The following TCEANC2 variants were observed in gnomAD, a reference collection of about 807,000 sequenced individuals.
TCEANC2 encodes transcription elongation factor A N-terminal and central domain-containing protein 2.
Under a neutral mutation model 22.8 loss-of-function variants are expected in TCEANC2, and 20 were observed. The ratio of observed to expected loss-of-function variants is 0.88; its 90% CI spans 0.62 to 1.28. The LOEUF is 1.28. TCEANC2 is among the 50% of genes most tolerant of loss of function. The probability of loss-of-function intolerance (pLI) is 0.00; values close to 1 mark genes in which losing one functional copy is unlikely to be tolerated. For synonymous variants in TCEANC2, 84 were observed against 95.5 expected (o/e 0.88, Z 0.70); for missense variants, 251 against 249.7 (o/e 1.01, Z -0.03).
chr1:54,106,244 A>G (rs576710359), downstream of TCEANC2, among the ~76,000 whole-genome samples: 35 of 152,392 alleles, frequency 2.3e-4, no homozygotes, highest in Middle Eastern at 6.8e-3. Flanking sequence ...CATTTAAAAA[A>G]GAATGGTTAA....
At chr1:54,083,823 A>T (rs985893270) in intron 3 of TCEANC2, among the ~76,000 whole-genome samples, 1 of 152,158 alleles carries the variant, frequency 6.6e-6, no homozygotes, top group Admixed American at 6.5e-5. Flanking sequence ...TAATAATTTT[A>T]TTGTAAATTC....
chr1:54,078,140 C>T (rs1478128034), intron 3 of TCEANC2, among the ~76,000 whole-genome samples: 1 of 152,002 alleles, frequency 6.6e-6, no homozygotes, highest in Non-Finnish European at 1.5e-5. Context: ...ATTTTTTTGG[C>T]ACTTTTTCTT....
intron 2 of TCEANC2, among the ~76,000 whole-genome samples, chr1:54,060,255 A>G (rs1274867456): frequency 6.6e-6 from 1 of 152,144 alleles, no homozygotes; most frequent in Non-Finnish European, 1.5e-5. Flanking sequence ...AAAATAAAAA[A>G]TTAGCTGGGC....
At position 54,105,745 on chromosome 1, in the gene TCEANC2, G is replaced by C. The variant is rs1349624668; in HGVS notation, c.*9272G>C. 1 of 152,036 alleles carries C rather than the reference G, an allele frequency of 6.6e-6. No individual in the cohort carries two copies. The highest frequency in any genetic ancestry group is 1.9e-4 in the East Asian group (1 of 5,172). The allele number at this position is 152,036 out of a possible 1,614,324, so 9.4% of individuals were successfully genotyped here. On this transcript the variant is annotated 3_prime_UTR_variant, in exon 5 of 5. Coordinates refer to ENST00000234827, the MANE Select transcript of TCEANC2 (RefSeq NM_153035.3). Reference sequence around the variant, plus strand: ...GGGTTCAAGCGATTCTCCTGCCTCAGCCTCCCGAGTAGCTGGGACTACCAT... The same window carrying C: ...GGGTTCAAGCGATTCTCCTGCCTCACCCTCCCGAGTAGCTGGGACTACCAT...
Position 54,088,586 on chromosome 1 carries a change from T to G in TCEANC2, c.245-11T>G, listed in dbSNP as rs1404235297. ...ACAACCTTTCCTTTGGTTTTTCTCT[T>G]CCTGTTCCAGGTCACACTGTGAACA... On this transcript the variant is annotated splice_polypyrimidine_tract_variant and intron_variant, in intron 3 of 4. Transcript: ENST00000234827. 6.3e-6 allele frequency: 10 copies of G among 1,588,604 alleles called. No homozygotes were observed. Among genetic ancestry groups the G allele is most frequent in the Non-Finnish European group, 8.5e-6 (10 of 1,171,818 alleles).
At chr1:54,083,657 G>A (rs1658286419) in intron 3 of TCEANC2, among the ~76,000 whole-genome samples, 1 of 152,124 alleles carries the variant, frequency 6.6e-6, no homozygotes, top group Non-Finnish European at 1.5e-5. Context: ...AGACTCTTAT[G>A]AAGGGAAGGA....
chr1:54,088,217 A>G (rs890005155), intron 3 of TCEANC2, among the ~76,000 whole-genome samples: 1 of 152,222 alleles, frequency 6.6e-6, no homozygotes, highest in Admixed American at 6.5e-5. Context: ...TAGCTAAATA[A>G]TATTCCCATA....
At chr1:54,077,716 C>T (rs1658167770) in intron 3 of TCEANC2, among the ~76,000 whole-genome samples, 2 of 152,108 alleles carry the variant, frequency 1.3e-5, no homozygotes, top group Admixed American at 6.5e-5. Context: ...GCATTAGTGG[C>T]ATACAGCAGG....
chr1:54,088,826 A>G (rs1444059737), intron 4 of TCEANC2, 36 bp downstream of exon 4: 1 of 1,397,136 alleles, frequency 7.2e-7, no homozygotes, highest in Non-Finnish European at 9.5e-7. Context: ...TTATGTACCC[A>G]TAATAATTAA....
chr1:54,062,337 A>C (rs1657873493), intron 2 of TCEANC2, among the ~76,000 whole-genome samples: 1 of 152,218 alleles, frequency 6.6e-6, no homozygotes, highest in Non-Finnish European at 1.5e-5. Context: ...AATTTGAGCA[A>C]TCTATTTTCT....
chr1:54,065,512 G>A (rs1657938212), intron 2 of TCEANC2, among the ~76,000 whole-genome samples: 2 of 152,154 alleles, frequency 1.3e-5, no homozygotes, highest in Admixed American at 1.3e-4. Context: ...GAGCCCAGGA[G>A]TTCAAGACCA....
chr1:54,092,997 T>G (rs1488820495), intron 4 of TCEANC2, among the ~76,000 whole-genome samples: 1 of 152,106 alleles, frequency 6.6e-6, no homozygotes, highest in Non-Finnish European at 1.5e-5. Flanking sequence ...GAAAGGATAT[T>G]GGAGGAGTTG....
In TCEANC2 at chr1:54,054,536, T is replaced by A; in HGVS notation, c.102+12T>A. On this transcript the variant is annotated intron_variant, in intron 2 of 4. Transcript: ENST00000234827. ...TTGAATCTCTGAAGGTGAGAGGGGA[T>A]CTGGGGCTAGAGGAAATGTGCAAAG... 1 of 1,608,992 alleles carries A rather than the reference T, an allele frequency of 6.2e-7. No homozygotes were observed. The highest frequency in any genetic ancestry group is 1.3e-5 in the African/African-American group (1 of 74,750).
downstream of TCEANC2, among the ~76,000 whole-genome samples, chr1:54,110,332 C>T (rs1379926209): frequency 6.6e-6 from 1 of 152,168 alleles, no homozygotes; most frequent in South Asian, 2.1e-4. Context: ...GGTGTGGTGG[C>T]TCATGCCTGT....
intron 3 of TCEANC2, among the ~76,000 whole-genome samples, chr1:54,077,830 T>C (rs1250878478): frequency 1.3e-5 from 2 of 152,168 alleles, no homozygotes; most frequent in African/African-American, 4.8e-5. Context: ...CCTTTCTGTG[T>C]TTCTTCAGTC....
At chr1:54,054,135 C>A in intron 1 of TCEANC2, 1 of 792,988 alleles carries the variant, frequency 1.3e-6, no homozygotes, top group Non-Finnish European at 1.8e-6. Flanking sequence ...ATGTTGGAAT[C>A]CTCGCTAGAG....
chr1:54,084,615 A>G (rs531036846), intron 3 of TCEANC2, among the ~76,000 whole-genome samples: 5 of 152,174 alleles, frequency 3.3e-5, no homozygotes, highest in Admixed American at 1.3e-4. Flanking sequence ...TAATCCCAGT[A>G]CTTTGGGAGG....
intron 2 of TCEANC2, among the ~76,000 whole-genome samples, chr1:54,054,736 G>A (rs776883658): frequency 1.3e-5 from 2 of 152,102 alleles, no homozygotes; most frequent in Non-Finnish European, 2.9e-5. Context: ...TAATTACTCC[G>A]GTTTACACCA....
chr1:54,106,748 C>G (rs1658762207), downstream of TCEANC2, among the ~76,000 whole-genome samples: 1 of 150,688 alleles, frequency 6.6e-6, no homozygotes, highest in Non-Finnish European at 1.5e-5. Context: ...TCCATAGAAA[C>G]ATATTGAGAA....
Sources: gnomAD v4.1 joint callset for allele counts (sites outside exome capture counted in the v4.1 genomes callset) on GRCh38, gnomAD v4.1.1 for gene constraint, MANE v1.5 for transcripts, NCBI Gene and HGNC (gene_info 2026-07-23, HGNC 2026-07-21) for gene names.